WWC1: variants seen among roughly 807,000 people sequenced by gnomAD.
WWC1 encodes protein KIBRA.
Under a neutral mutation model 138.4 loss-of-function variants are expected in WWC1, and 55 were observed. The ratio of observed to expected loss-of-function variants is 0.40; its 90% CI spans 0.32 to 0.50. WWC1 has a LOEUF of 0.50. Among genes scored for constraint, WWC1 ranks in the 20% least tolerant of loss-of-function variants. WWC1 has a pLI of 0.72. For synonymous variants in WWC1, 524 were observed against 564.9 expected, an observed-to-expected ratio of 0.93 and a Z score of 1.03; for missense variants, 1,226 against 1,420.4, an observed-to-expected ratio of 0.86 and a Z score of 2.20.
intron 3 of WWC1, among the ~76,000 whole-genome samples, chr5:168,389,379 A>C (rs1195058854): frequency 2.0e-5 from 3 of 150,912 alleles, no homozygotes; most frequent in Non-Finnish European, 4.4e-5. Flanking sequence ...TGAACCCAGG[A>C]GACGGAGGTT....
intron 1 of WWC1, among the ~76,000 whole-genome samples, chr5:168,298,530 T>C (rs1769769690): frequency 6.6e-6 from 1 of 152,194 alleles, no homozygotes. Context: ...ACGTATTCCA[T>C]GGGAGTCTAC....
chr5:168,437,723 G>T (rs146154955), intron 15 of WWC1, among the ~76,000 whole-genome samples: 3 of 152,094 alleles, frequency 2.0e-5, no homozygotes, highest in Admixed American at 6.6e-5. Flanking sequence ...CTGTGAGCCC[G>T]CCCCAGATAA....
At chr5:168,450,845 A>G (rs1408498969) in intron 17 of WWC1, among the ~76,000 whole-genome samples, 2 of 152,186 alleles carry the variant, frequency 1.3e-5, no homozygotes, top group African/African-American at 4.8e-5. Flanking sequence ...GGGCTTTATC[A>G]TAATCAAAAA....
intron 20 of WWC1, among the ~76,000 whole-genome samples, chr5:168,462,617 A>C (rs548843690): frequency 6.6e-6 from 1 of 152,090 alleles, no homozygotes; most frequent in East Asian, 1.9e-4. Flanking sequence ...GCTCCCTTCT[A>C]AGGCAGGCCC....
chr5:168,391,427 G>A (rs566350854), intron 3 of WWC1, among the ~76,000 whole-genome samples: 18 of 152,204 alleles, frequency 1.2e-4, no homozygotes, highest in African/African-American at 4.1e-4. Flanking sequence ...TCGGGAGGCC[G>A]AGGCAGGCAG....
chr5:168,452,066 T>G (rs35030651), intron 17 of WWC1, among the ~76,000 whole-genome samples: 2 of 151,786 alleles, frequency 1.3e-5, no homozygotes, highest in Non-Finnish European at 2.9e-5. Context: ...CCACCACGCC[T>G]GGCTAATTTT....
intron 1 of WWC1, among the ~76,000 whole-genome samples, chr5:168,367,629 A>C (rs561544711): frequency 3.0e-4 from 46 of 152,266 alleles, no homozygotes; most frequent in Admixed American, 2.8e-3. Flanking sequence ...CAGTCTTGTT[A>C]ATTTTTATTA....
At chr5:168,442,172 C>T (rs1003375962) in intron 16 of WWC1, among the ~76,000 whole-genome samples, 20 of 152,058 alleles carry the variant, frequency 1.3e-4, no homozygotes, top group African/African-American at 4.8e-4. Context: ...TTTCTTGGGC[C>T]CCTACTTTGT....
intron 7 of WWC1, among the ~76,000 whole-genome samples, chr5:168,408,912 GTC>G (rs969490382): frequency 6.6e-6 from 1 of 152,144 alleles, no homozygotes; most frequent in Admixed American, 6.5e-5. Context: ...AGGTGCTTGT[GTC>G]TCTTAATGCT....
chr5:168,396,990 T>C (rs1269548247), intron 3 of WWC1, among the ~76,000 whole-genome samples: 1 of 152,028 alleles, frequency 6.6e-6, no homozygotes, highest in African/African-American at 2.4e-5. Context: ...ATGTTTATTG[T>C]TTTTAAAAAA....
intron 5 of WWC1, among the ~76,000 whole-genome samples, chr5:168,401,004 AAAGG>A (rs1485641989): frequency 6.7e-6 from 1 of 150,038 alleles, no homozygotes; most frequent in East Asian, 1.9e-4. Context: ...AGAAAAAAAG[AAAGG>A]AAGGAAGGAG....
intron 1 of WWC1, among the ~76,000 whole-genome samples, chr5:168,348,976 C>G (rs1774706853): frequency 6.6e-6 from 1 of 152,174 alleles, no homozygotes; most frequent in Non-Finnish European, 1.5e-5. Flanking sequence ...AACCTCCCCA[C>G]AGCTCTGTGA....
chr5:168,398,763 G>A (rs1405937150), intron 4 of WWC1, among the ~76,000 whole-genome samples: 1 of 152,180 alleles, frequency 6.6e-6, no homozygotes, highest in Non-Finnish European at 1.5e-5. Flanking sequence ...GCAGTAGAGA[G>A]TTGTGGTGAC....
chr5:168,379,718 C>T (rs1777473772), intron 2 of WWC1, among the ~76,000 whole-genome samples: 1 of 152,146 alleles, frequency 6.6e-6, no homozygotes. Context: ...TCTTTAGAAC[C>T]ATGTAAAGAA....
intron 1 of WWC1, among the ~76,000 whole-genome samples, chr5:168,365,120 G>A (rs1359248697): frequency 6.6e-6 from 1 of 152,212 alleles, no homozygotes; most frequent in Non-Finnish European, 1.5e-5. Context: ...TAAAGGTGAA[G>A]GGACTGCTTA....
chr5:168,302,694 A>G (rs964680711), intron 1 of WWC1, among the ~76,000 whole-genome samples: 10 of 152,202 alleles, frequency 6.6e-5, no homozygotes, highest in Admixed American at 6.5e-4. Context: ...AGCTGTGCAA[A>G]TATAGTAGAA....
At chr5:168,437,236 C>T (rs1460646928) in intron 15 of WWC1, among the ~76,000 whole-genome samples, 1 of 152,170 alleles carries the variant, frequency 6.6e-6, no homozygotes, top group Non-Finnish European at 1.5e-5. Context: ...ATTACCCTCT[C>T]TGCTGTCTTA....
intron 1 of WWC1, among the ~76,000 whole-genome samples, chr5:168,296,278 C>T (rs1488867511): frequency 6.6e-6 from 1 of 152,158 alleles, no homozygotes; most frequent in Non-Finnish European, 1.5e-5. Flanking sequence ...GTTTCTGGGT[C>T]TGTATGGTAA....
At chr5:168,397,464 C>T (rs1028409915) in intron 3 of WWC1, among the ~76,000 whole-genome samples, 14 of 152,114 alleles carry the variant, frequency 9.2e-5, no homozygotes, top group Non-Finnish European at 1.8e-4. Flanking sequence ...TTATTCTTTA[C>T]ACTTTTTTTG....
Sources: allele counts gnomAD v4.1 joint callset (sites outside exome capture counted in the v4.1 genomes callset), GRCh38; gene constraint gnomAD v4.1.1; transcripts MANE v1.5; gene names NCBI Gene and HGNC (gene_info 2026-07-23, HGNC 2026-07-21).